ERC2: variants seen among roughly 807,000 people sequenced by gnomAD.
The protein encoded by ERC2 is ERC protein 2.
A neutral mutation model predicts 114.8 loss-of-function variants in ERC2; 42 were observed. The observed-to-expected ratio is 0.37, with a 90% CI of 0.29 to 0.47. The LOEUF is 0.47. Ranked by LOEUF, ERC2 falls within the 20% of genes least tolerant of loss-of-function variation. The pLI is 0.99. For synonymous variants in ERC2, 454 were observed against 425.5 expected (o/e 1.07, Z -0.82); for missense variants, 939 against 1,150.7 (o/e 0.82, Z 2.66).
intron 14 of ERC2, among the ~76,000 whole-genome samples, chr3:55,738,103 C>T (rs2065753023): frequency 6.6e-6 from 1 of 152,148 alleles, no homozygotes; most frequent in African/African-American, 2.4e-5. Context: ...GCAATAAAGT[C>T]CTTTATCTTT....
chr3:55,613,514 T>G (rs543147355), intron 17 of ERC2, among the ~76,000 whole-genome samples: 34 of 152,118 alleles, frequency 2.2e-4, no homozygotes, highest in Non-Finnish European at 4.7e-4. Context: ...TTCTTTTAGG[T>G]GGGAGAGGTT....
Position 56,446,625 on chromosome 3 carries a change from C to CTTTTTTTTTTTTTT in ERC2, c.-140-11479_-140-11478insAAAAAAAAAAAAAA, listed in dbSNP as rs1318263302. On this transcript the variant is annotated intron_variant, in intron 1 of 17. Coordinates refer to ENST00000288221, the MANE Select transcript of ERC2 (RefSeq NM_015576.3). ...CGCATTTTCTTCTTTTTTTTTTTTT[C>CTTTTTTTTTTTTTT]TTTCTTTTTTTTTTTTTTGAGACGG... 4.7e-4 allele frequency among the ~76,000 whole-genome samples: 53 copies of CTTTTTTTTTTTTTT among 112,308 alleles called. 1 individual carries two copies. The highest frequency in any genetic ancestry group is 5.5e-4 in the African/African-American group (16 of 29,012). The allele number at this position is 112,308 out of a possible 152,430, so 73.7% of individuals were successfully genotyped here. A position where few individuals can be genotyped will look rare whatever the true frequency, so the allele number is the denominator to read the frequency against.
At chr3:56,388,647 T>C (rs550011949) in intron 2 of ERC2, among the ~76,000 whole-genome samples, 2 of 152,332 alleles carry the variant, frequency 1.3e-5, no homozygotes, top group South Asian at 4.1e-4. Flanking sequence ...ATTACACCTC[T>C]TCTCAGAGGC....
chr3:56,044,554 G>A (rs920896056), intron 7 of ERC2, among the ~76,000 whole-genome samples: 2 of 151,866 alleles, frequency 1.3e-5, no homozygotes, highest in African/African-American at 4.8e-5. Flanking sequence ...ATTCATTTGG[G>A]GGGAAAATTG....
In ERC2 at chr3:55,802,582, G is replaced by A. The variant is rs190437694; in HGVS notation, c.2565-67664C>T. On this transcript the variant is annotated intron_variant, in intron 14 of 17. Coordinates refer to ENST00000288221, the MANE Select transcript of ERC2 (RefSeq NM_015576.3). Reference sequence around the variant, plus strand: ...TTAAATGGTAGACAACTCATTTCAAGTAAGGAAGAAATATTTGGTTTTCAT... The same window carrying A: ...TTAAATGGTAGACAACTCATTTCAAATAAGGAAGAAATATTTGGTTTTCAT... 4.0e-4 allele frequency among the ~76,000 whole-genome samples: 61 copies of A among 152,292 alleles called. 1 individual carries two copies. The South Asian group carries it at 0.011, about 28-fold the overall frequency.
intron 14 of ERC2, among the ~76,000 whole-genome samples, chr3:55,739,412 C>T (rs2065844373): frequency 6.6e-6 from 1 of 152,190 alleles, no homozygotes; most frequent in African/African-American, 2.4e-5. Context: ...CACATCCTCT[C>T]CAGCATCTGT....
intron 17 of ERC2, among the ~76,000 whole-genome samples, chr3:55,600,076 T>C (rs1166579731): frequency 1.3e-5 from 2 of 152,210 alleles, no homozygotes; most frequent in East Asian, 1.9e-4. Flanking sequence ...GCTGAATCAC[T>C]GCTCTAGAAA....
chr3:56,306,901 G>A (rs947624831), intron 2 of ERC2, among the ~76,000 whole-genome samples: 4 of 152,104 alleles, frequency 2.6e-5, no homozygotes, highest in Non-Finnish European at 5.9e-5. Context: ...CCTACCTTAC[G>A]TCACAGAGTA....
Position 55,873,990 on chromosome 3 carries a change from A to G in ERC2, c.2564+14399T>C, listed in dbSNP as rs117479759. On this transcript the variant is annotated intron_variant, in intron 14 of 17. Coordinates refer to ENST00000288221, the MANE Select transcript of ERC2 (RefSeq NM_015576.3). ...CTCAAGAAATAACTGACTTCCCAGCATGATTTGTTTTATGAATGAGTCAGT... is the reference window on the plus strand; with the variant it reads ...CTCAAGAAATAACTGACTTCCCAGCGTGATTTGTTTTATGAATGAGTCAGT... 3.2e-3 allele frequency among the ~76,000 whole-genome samples: 483 copies of G among 152,334 alleles called. 6 individuals are homozygous for G. Among genetic ancestry groups the G allele is most frequent in the East Asian group, 0.013 (66 of 5,184 alleles).
rs978849083 is a variant in ERC2, at chr3:55,528,543, A to C, written c.*40-17267T>G. ...TAGATACTTTATTTGACAAAAAAAA[A>C]AATTTTAGCACTCTCACAAGGCAGG... On this transcript the variant is annotated intron_variant, in intron 17 of 17. Transcript: ENST00000288221. 2.0e-5 allele frequency among the ~76,000 whole-genome samples: 3 copies of C among 152,342 alleles called. No homozygotes were observed. In the East Asian group the frequency reaches 5.8e-4, roughly 29 times the overall value.
At chr3:55,822,803 C>T (rs1376225984) in intron 14 of ERC2, among the ~76,000 whole-genome samples, 2 of 151,994 alleles carry the variant, frequency 1.3e-5, no homozygotes, top group Admixed American at 6.6e-5. Flanking sequence ...TTGGTAGAGA[C>T]GGGGTTTCAC....
At chr3:56,440,310 GAGGCGGGT>G (rs779385485) in intron 1 of ERC2, among the ~76,000 whole-genome samples, 14 of 152,238 alleles carry the variant, frequency 9.2e-5, no homozygotes, top group Admixed American at 5.9e-4. Context: ...TTGGGAGGCC[GAGGCGGGT>G]GGATCACGAG....
chr3:56,257,192 C>T (rs990985106), intron 3 of ERC2, among the ~76,000 whole-genome samples: 6 of 152,154 alleles, frequency 3.9e-5, no homozygotes, highest in Non-Finnish European at 8.8e-5. Context: ...CGGACACCTC[C>T]AGATGACTTT....
chr3:55,883,430 T>C (rs1329672516), intron 14 of ERC2, among the ~76,000 whole-genome samples: 1 of 152,094 alleles, frequency 6.6e-6, no homozygotes, highest in Non-Finnish European at 1.5e-5. Context: ...GATGTAAGTA[T>C]AAAAGGATAG....
rs1352318442 is a variant in ERC2 at position 55,985,987 on chromosome 3, A to G, written c.2257T>C (p.Leu753=). The G allele has an allele frequency of 2.6e-6, 4 of 1,540,136 alleles. No homozygotes were observed. The African/African-American group carries it at 5.5e-5, about 21-fold the overall frequency. The change falls in exon 12 of 18, where the codon TTG becomes CTG. Residue 753 remains leucine, a splice_region_variant and synonymous_variant. Coordinates refer to ENST00000288221, the MANE Select transcript of ERC2 (RefSeq NM_015576.3). ...KDKKIAELES[L]TLRHMKDQNK... is the part of the protein sequence containing the mutation. ...ACTGAAATTACTGACCTGAGAGTCA[A>G]GCTGATTGGAGCAAGGGTGAAAGCA...
At chr3:55,821,972 G>A (rs2060142687) in intron 14 of ERC2, among the ~76,000 whole-genome samples, 1 of 152,158 alleles carries the variant, frequency 6.6e-6, no homozygotes, top group East Asian at 1.9e-4. Flanking sequence ...CATTCACATG[G>A]AGTTGGTTAA....
chr3:56,003,871 G>A (rs2072268773), intron 10 of ERC2, among the ~76,000 whole-genome samples: 1 of 151,952 alleles, frequency 6.6e-6, no homozygotes, highest in Admixed American at 6.6e-5. Flanking sequence ...TTAAATTTTT[G>A]TGGGTTTAAA....
chr3:56,449,512 A>T (rs1176185465), intron 1 of ERC2, among the ~76,000 whole-genome samples: 2 of 152,250 alleles, frequency 1.3e-5, no homozygotes, highest in Non-Finnish European at 2.9e-5. Context: ...CATTTTCATC[A>T]TATCACTAAA....
rs1159259460 is a variant in ERC2, at chr3:55,929,683, G to A, written c.2403+20742C>T. Among the ~76,000 whole-genome samples the A allele has an allele frequency of 5.3e-5, 8 of 152,290 alleles. No homozygotes were observed. The East Asian group carries it at 5.8e-4, about 11-fold the overall frequency. ...CTGTAATCCCCAGTGTTGAAGGAAG[G>A]GCCTAGTGGGAGGGGACTGGATCAT... On this transcript the variant is annotated intron_variant, in intron 13 of 17. Transcript: ENST00000288221.
Sources: allele counts gnomAD v4.1 joint callset (sites outside exome capture counted in the v4.1 genomes callset), GRCh38; gene constraint gnomAD v4.1.1; transcripts MANE v1.5; gene names NCBI Gene and HGNC (gene_info 2026-07-23, HGNC 2026-07-21).